The following GPR83 variants were observed in gnomAD, a reference collection of about 807,000 sequenced individuals.
GPR83 encodes the protein G-protein coupled receptor 72.
GPR83 carries 23 observed loss-of-function variants against 28.0 expected under a neutral mutation model. The ratio of observed to expected loss-of-function variants is 0.82; its 90% CI spans 0.59 to 1.16. GPR83 has a LOEUF of 1.16. Among genes scored for constraint, GPR83 ranks in the 50% most tolerant of loss-of-function variants. The pLI is 0.00. For missense variants in GPR83, 610 were observed against 536.6 expected, an observed-to-expected ratio of 1.14 and a Z score of -1.35; for synonymous variants, 234 against 215.4, an observed-to-expected ratio of 1.09 and a Z score of -0.76.
At chr11:94,386,296 A>G (rs144437353) in intron 3 of GPR83, among the ~76,000 whole-genome samples, 23 of 152,314 alleles carry the variant, frequency 1.5e-4, no homozygotes, top group Non-Finnish European at 2.9e-4. Context: ...CCAACTAATG[A>G]GCAAAATAGC....
chr11:94,396,602 A>G (rs1944869495), intron 1 of GPR83, 78 bp from the exon 2 acceptor site: 1 of 1,472,050 alleles, frequency 6.8e-7, no homozygotes, highest in African/African-American at 1.4e-5. Flanking sequence ...TCTGAGGAGC[A>G]TGCCCTTAGG....
chr11:94,390,091 G>A (rs555208257), intron 3 of GPR83, among the ~76,000 whole-genome samples: 1 of 151,480 alleles, frequency 6.6e-6, no homozygotes, highest in Non-Finnish European at 1.5e-5. Context: ...AACACCGCAT[G>A]TTCTCACTCA....
intron 3 of GPR83, among the ~76,000 whole-genome samples, chr11:94,385,741 C>T (rs936464674): frequency 3.3e-5 from 5 of 152,128 alleles, no homozygotes; most frequent in African/African-American, 7.2e-5. Context: ...CTGAAAGTGA[C>T]GGGGAGAATG....
Position 94,401,394 on chromosome 11 carries a change from G to T in GPR83, c.-147C>A. ...GCCCGGACGCGCGGAGCACCGCGCC[G>T]CCCGCCACCAGCCCGCGGTCGGCAC... On this transcript the variant is annotated 5_prime_UTR_variant, in exon 1 of 4. Transcript: ENST00000243673. 1.5e-6 allele frequency: 1 copy of T among 670,248 alleles called. No homozygotes were observed. Among genetic ancestry groups the T allele is most frequent in the Non-Finnish European group, 2.3e-6 (1 of 441,038 alleles). The allele number at this position is 670,248 out of a possible 1,614,324, so 41.5% of individuals were successfully genotyped here.
In GPR83 at chr11:94,384,320, G is replaced by A. The variant is rs61905733; in HGVS notation, c.648-3547C>T. Among the ~76,000 whole-genome samples, 1,374 of 152,270 alleles carry A rather than the reference G, an allele frequency of 9.0e-3. 13 individuals carry two copies. The highest frequency in any genetic ancestry group is 0.013 in the Non-Finnish European group (909 of 68,024). On this transcript the variant is annotated intron_variant, in intron 3 of 3. Coordinates refer to ENST00000243673, the MANE Select transcript of GPR83 (RefSeq NM_016540.4). The stretch of plus-strand genomic sequence containing the variant: ...ACAAACTCTCAATAAACTGGGTATC[G>A]ATGGAACATATCTCAAAGTAATAAG...
intron 1 of GPR83, 86 bp from the exon 2 acceptor site, chr11:94,396,610 A>AG (rs1565188558): frequency 7.3e-7 from 1 of 1,365,602 alleles, no homozygotes; most frequent in African/African-American, 1.4e-5. Flanking sequence ...GCATGCCCTT[A>AG]GGGGGATTCC....
At chr11:94,397,212 G>A (rs1026257730) in intron 1 of GPR83, among the ~76,000 whole-genome samples, 16 of 152,130 alleles carry the variant, frequency 1.1e-4, no homozygotes, top group South Asian at 4.1e-4. Context: ...TCCCCAAACC[G>A]TGTAGGGCCC....
At position 94,396,638 on chromosome 11, in the gene GPR83, T is replaced by G. The variant is rs1260126437; in HGVS notation, c.388-114A>C. On this transcript the variant is annotated intron_variant, in intron 1 of 3. Coordinates refer to ENST00000243673, the MANE Select transcript of GPR83 (RefSeq NM_016540.4). The stretch of plus-strand genomic sequence containing the variant: ...GGGATTCCTCCAGCTCCTCCCTTCT[T>G]TCTGTCTATGATACTGAATTGTGGA... The G allele has an allele frequency of 4.0e-6, 4 of 1,006,236 alleles. No homozygotes were observed. In the East Asian group the frequency reaches 9.8e-5, roughly 25 times the overall value. The allele number at this position is 1,006,236 out of a possible 1,614,324, so 62.3% of individuals were successfully genotyped here. A position where few individuals can be genotyped will look rare whatever the true frequency, so the allele number is the denominator to read the frequency against.
intron 3 of GPR83, among the ~76,000 whole-genome samples, chr11:94,384,165 G>T (rs778025855): frequency 1.3e-4 from 20 of 152,136 alleles, no homozygotes; most frequent in Non-Finnish European, 1.6e-4. Context: ...TCCCTGGGAT[G>T]CAAGGCTGGT....
chr11:94,401,410 C>T lies in GPR83; in HGVS notation c.-163G>A. 1 of 562,432 alleles carries T rather than the reference C, an allele frequency of 1.8e-6. No homozygotes were observed. Among genetic ancestry groups the T allele is most frequent in the Non-Finnish European group, 2.9e-6 (1 of 344,102 alleles). 34.8% of individuals were successfully genotyped at this position (562,432 alleles called of 1,614,324 possible). A position where few individuals can be genotyped will look rare whatever the true frequency, so the allele number is the denominator to read the frequency against. On this transcript the variant is annotated 5_prime_UTR_variant, in exon 1 of 4. Transcript: ENST00000243673. ...CACCGCGCCGCCCGCCACCAGCCCG[C>T]GGTCGGCACGCCAGCTCCGGGTTTG...
intron 3 of GPR83, among the ~76,000 whole-genome samples, chr11:94,391,094 CA>C (rs1944812213): frequency 6.6e-6 from 1 of 152,168 alleles, no homozygotes; most frequent in African/African-American, 2.4e-5. Flanking sequence ...CTACAGTAAC[CA>C]AAACAGCATG....
At chr11:94,388,177 A>T (rs1009792185) in intron 3 of GPR83, among the ~76,000 whole-genome samples, 7 of 152,214 alleles carry the variant, frequency 4.6e-5, no homozygotes, top group Non-Finnish European at 8.8e-5. Flanking sequence ...GTATCTCAAA[A>T]TAATAAGAGC....
chr11:94,380,086 T>A lies in GPR83; in HGVS notation c.*63A>T. 2 of 1,295,976 alleles carry A rather than the reference T, an allele frequency of 1.5e-6. No individual in the cohort carries two copies. Among genetic ancestry groups the A allele is most frequent in the South Asian group, 1.7e-5 (1 of 58,946 alleles). 80.3% of individuals were successfully genotyped at this position (1,295,976 alleles called of 1,614,324 possible). A position where few individuals can be genotyped will look rare whatever the true frequency, so the allele number is the denominator to read the frequency against. On this transcript the variant is annotated 3_prime_UTR_variant, in exon 4 of 4. Transcript: ENST00000243673. The stretch of plus-strand genomic sequence containing the variant: ...GCACTCTGAAGATCATGTGTGAGAA[T>A]AGGCTCTCTTTCCCTGCCTCAGGTG...
chr11:94,393,319 G>C (rs943199868), intron 3 of GPR83, among the ~76,000 whole-genome samples, 166 bp downstream of exon 3: 7 of 152,162 alleles, frequency 4.6e-5, no homozygotes, highest in African/African-American at 1.7e-4. Context: ...GGACAGGCAT[G>C]GACAAGGAGG....
chr11:94,380,320 G>T lies in GPR83; in HGVS notation c.1101C>A (p.Pro367=), dbSNP rs777312937. The change falls in exon 4 of 4, where the codon CCC becomes CCA. Residue 367 remains proline (P), a synonymous_variant. Transcript: ENST00000243673. Reference sequence around the variant, plus strand: ...AGGGTGGCCTGTCCTCCTGAGGCTTGGGAGGTCTTTGACACATGCTCAGTA... The same window carrying T: ...AGGGTGGCCTGTCCTCCTGAGGCTTTGGAGGTCTTTGACACATGCTCAGTA... ...KALLSMCQRP[P]KPQEDRPPSP... 3 of 1,611,172 alleles carry T rather than the reference G, an allele frequency of 1.9e-6. No individual in the cohort carries two copies. In the South Asian group the frequency reaches 3.3e-5, roughly 18 times the overall value.
chr11:94,382,363 AAAAAGC>A (rs1944700862), intron 3 of GPR83, among the ~76,000 whole-genome samples: 2 of 151,730 alleles, frequency 1.3e-5, no homozygotes, highest in Admixed American at 6.6e-5. Context: ...AAAAAAAAAA[AAAAAGC>A]AGGAGTTACA....
intron 3 of GPR83, among the ~76,000 whole-genome samples, chr11:94,383,393 A>G (rs1182143121): frequency 1.3e-5 from 2 of 152,202 alleles, no homozygotes; most frequent in African/African-American, 4.8e-5. Context: ...GGAAAGATCT[A>G]AAATTGACAC....
At position 94,393,496 on chromosome 11, in the gene GPR83, G is replaced by A. The variant is rs775714430; in HGVS notation, c.636C>T (p.Thr212=). The A allele has an allele frequency of 1.2e-6, 2 of 1,614,030 alleles. No individual in the cohort carries two copies. Among genetic ancestry groups the A allele is most frequent in the Non-Finnish European group, 1.7e-6 (2 of 1,179,936 alleles). Residue 212 remains threonine, a synonymous_variant, in exon 3 of 4, where the codon ACC becomes ACT. Coordinates refer to ENST00000243673, the MANE Select transcript of GPR83 (RefSeq NM_016540.4). The part of the protein sequence containing the change: ...LPHAICQKLF[T]FKYSEDIVRS... Reference sequence around the variant, plus strand: ...CGAATTCATCTCACCTGTATTTGAAGGTAAATAATTTCTGGCAGATAGCAT... The same window carrying A: ...CGAATTCATCTCACCTGTATTTGAAAGTAAATAATTTCTGGCAGATAGCAT...
chr11:94,385,858 G>A (rs1944749337), intron 3 of GPR83, among the ~76,000 whole-genome samples: 1 of 152,100 alleles, frequency 6.6e-6, no homozygotes, highest in African/African-American at 2.4e-5. Context: ...TGCCACAAAA[G>A]TACTGCTCAA....
Sources: allele counts gnomAD v4.1 joint callset (sites outside exome capture counted in the v4.1 genomes callset), GRCh38; gene constraint gnomAD v4.1.1; transcripts MANE v1.5; gene names NCBI Gene and HGNC (gene_info 2026-07-23, HGNC 2026-07-21).